SDCBP2: variants seen among roughly 807,000 people sequenced by gnomAD.
SDCBP2 encodes the protein syndecan binding protein 2.
Under a neutral mutation model 30.7 loss-of-function variants are expected in SDCBP2, and 28 were observed. That is an observed-to-expected ratio of 0.91 (90% CI 0.68 to 1.25). SDCBP2 has a LOEUF of 1.25. SDCBP2 is among the 50% of genes most tolerant of loss of function. SDCBP2 has a pLI of 0.00. For synonymous variants in SDCBP2, 166 were observed against 157.3 expected (o/e 1.06, Z -0.41); for missense variants, 399 against 379.0 (o/e 1.05, Z -0.44).
chr20:1,320,588 A>G lies in SDCBP2; in HGVS notation c.-19-153T>C. ...GAATGCCTCCCCGAACTCCACCCCT[A>G]ATCCCCTGTCGATATTTGAACTCTA... On this transcript the variant is annotated intron_variant, in intron 1 of 8. Transcript: ENST00000360779. This position sits in a 1 kb window ranked among gnomAD's most constrained non-coding sequence, Gnocchi z 4.7. 1.7e-6 allele frequency: 1 copy of G among 585,016 alleles called. No individual in the cohort carries two copies. The highest frequency in any genetic ancestry group is 3.1e-6 in the Non-Finnish European group (1 of 326,260). 36.2% of individuals were successfully genotyped at this position (585,016 alleles called of 1,614,324 possible).
At chr20:1,317,020 G>A (rs576130061) in intron 4 of SDCBP2, among the ~76,000 whole-genome samples, 16 of 152,296 alleles carry the variant, frequency 1.1e-4, no homozygotes, top group Non-Finnish European at 2.1e-4. Flanking sequence ...TTCCACTTAT[G>A]TAACATTCTG....
chr20:1,319,004 T>C (rs1290551810), intron 3 of SDCBP2, among the ~76,000 whole-genome samples: 4 of 152,174 alleles, frequency 2.6e-5, no homozygotes, highest in African/African-American at 9.7e-5. Flanking sequence ...ATCCAGCCTA[T>C]GGTATTTTGT....
chr20:1,316,412 C>T (rs2088777288), intron 4 of SDCBP2, among the ~76,000 whole-genome samples: 1 of 152,148 alleles, frequency 6.6e-6, no homozygotes, highest in Non-Finnish European at 1.5e-5. Flanking sequence ...CTTTTTGAGA[C>T]AGGGTCTCAC....
chr20:1,311,816 G>T (rs569375696), intron 7 of SDCBP2, among the ~76,000 whole-genome samples: 15 of 151,906 alleles, frequency 9.9e-5, no homozygotes, highest in African/African-American at 3.6e-4. Context: ...GAGCAAGGAG[G>T]TGTCCATGCA....
At chr20:1,323,600 C>G (rs553930746) in intron 1 of SDCBP2, 1 of 152,274 alleles carries the variant, frequency 6.6e-6, no homozygotes, top group South Asian at 2.1e-4. Context: ...AAAACAGGTA[C>G]AGTCGTTCCT....
chr20:1,313,024 A>G lies in SDCBP2; in HGVS notation c.385-262T>C. The G allele has an allele frequency of 1.7e-6, 1 of 586,392 alleles. No individual in the cohort carries two copies. Among genetic ancestry groups the G allele is most frequent in the Non-Finnish European group, 3.0e-6 (1 of 330,424 alleles). 36.3% of individuals were successfully genotyped at this position (586,392 alleles called of 1,614,324 possible). The stretch of plus-strand genomic sequence containing the variant: ...ACTCCACTGTACCATTCACAAAGGC[A>G]TGGGCTTCCCTGGCGTCGGCTGTCT... On this transcript the variant is annotated intron_variant, in intron 5 of 8. Coordinates refer to ENST00000360779, the MANE Select transcript of SDCBP2 (RefSeq NM_080489.5). The surrounding 1 kb of genome is among the most constrained non-coding windows in gnomAD (Gnocchi z 5.2).
chr20:1,322,366 T>C (rs1600284666), intron 1 of SDCBP2: 1 of 152,216 alleles, frequency 6.6e-6, no homozygotes, highest in Non-Finnish European at 1.5e-5. Flanking sequence ...AGTTCCAAGA[T>C]GGCAGGAACA....
In SDCBP2 at chr20:1,311,883, A is replaced by G. The variant is rs1426262234; in HGVS notation, c.732+454T>C. Among the ~76,000 whole-genome samples, 3 of 146,028 alleles carry G rather than the reference A, an allele frequency of 2.1e-5. No homozygotes were observed. The East Asian group carries it at 6.1e-4, about 30-fold the overall frequency. ...GCTATGTGCCTGGCACTGTGCTCAG[A>G]GCTCTAGGTACACTGTCTTTTTTTT... On this transcript the variant is annotated intron_variant, in intron 7 of 8. Transcript: ENST00000360779.
At chr20:1,328,484 G>A (rs969048144) in intron 1 of SDCBP2, among the ~76,000 whole-genome samples, 3 of 152,244 alleles carry the variant, frequency 2.0e-5, no homozygotes, top group East Asian at 1.9e-4. Flanking sequence ...TACCAGGCTC[G>A]TTTTCTGCCC....
Position 1,327,055 on chromosome 20 carries a change from A to G in SDCBP2, c.-20+2030T>C, listed in dbSNP as rs112833208. On this transcript the variant is annotated intron_variant, in intron 1 of 8. Coordinates refer to ENST00000360779, the MANE Select transcript of SDCBP2 (RefSeq NM_080489.5). ...GGCTGCCTGGCTCCTATAATCTGAC[A>G]GTGGAAGTTTGCTCAGTTCTGTGCT... Among the ~76,000 whole-genome samples, 493 of 152,336 alleles carry G rather than the reference A, an allele frequency of 3.2e-3. 3 individuals carry two copies. The highest frequency in any genetic ancestry group is 0.011 in the African/African-American group (474 of 41,576).
Position 1,321,042 on chromosome 20 carries a change from C to T in SDCBP2, c.-19-607G>A, listed in dbSNP as rs982576808. The T allele has an allele frequency of 1.3e-5, 2 of 152,510 alleles. No homozygotes were observed. Among genetic ancestry groups the T allele is most frequent in the African/African-American group, 4.8e-5 (2 of 41,424 alleles). The allele number at this position is 152,510 out of a possible 1,614,324, so 9.4% of individuals were successfully genotyped here. On this transcript the variant is annotated intron_variant, in intron 1 of 8. Coordinates refer to ENST00000360779, the MANE Select transcript of SDCBP2 (RefSeq NM_080489.5). This position sits in a 1 kb window ranked among gnomAD's most constrained non-coding sequence, Gnocchi z 5.2. The stretch of plus-strand genomic sequence containing the variant: ...GCCCCTGCCCAACCTCCTTGTCACC[C>T]TCGGTTCCTGTGGGACACGCCTCCC...
chr20:1,320,328 C>A lies in SDCBP2; in HGVS notation c.54+35G>T. 1 of 1,600,992 alleles carries A rather than the reference C, an allele frequency of 6.2e-7. No homozygotes were observed. Among genetic ancestry groups the A allele is most frequent in the South Asian group, 1.1e-5 (1 of 90,372 alleles). On this transcript the variant is annotated intron_variant, in intron 2 of 8. Transcript: ENST00000360779. This position sits in a 1 kb window ranked among gnomAD's most constrained non-coding sequence, Gnocchi z 4.7. ...CCAGGGTAATCCCCAAGGTCCCCTTCAGGGAATCCAGGCCAATGGGGCCTG... is the reference window on the plus strand; with the variant it reads ...CCAGGGTAATCCCCAAGGTCCCCTTAAGGGAATCCAGGCCAATGGGGCCTG...
In SDCBP2 at chr20:1,313,502, C is replaced by T. The variant is rs768636013; in HGVS notation, c.226-4G>A. 12 of 1,582,690 alleles carry T rather than the reference C, an allele frequency of 7.6e-6. No individual in the cohort carries two copies. The South Asian group carries it at 1.3e-4, about 17-fold the overall frequency. On this transcript the variant is annotated splice_region_variant and splice_polypyrimidine_tract_variant and intron_variant, in intron 4 of 8. Coordinates refer to ENST00000360779, the MANE Select transcript of SDCBP2 (RefSeq NM_080489.5). The surrounding 1 kb of genome is among the most constrained non-coding windows in gnomAD (Gnocchi z 5.2). Reference sequence around the variant, plus strand: ...GCCCGGGGCCCGAGACCGCTGTCTGCAGACACCAGGGGGCAGGGGGTCAGC... The same window carrying T: ...GCCCGGGGCCCGAGACCGCTGTCTGTAGACACCAGGGGGCAGGGGGTCAGC...
chr20:1,315,754 G>GA (rs1022345060), intron 4 of SDCBP2, among the ~76,000 whole-genome samples: 71 of 150,772 alleles, frequency 4.7e-4, no homozygotes, highest in African/African-American at 1.0e-3. Flanking sequence ...AGCCACAAAA[G>GA]AAAAAAAAAT....
At position 1,313,508 on chromosome 20, in the gene SDCBP2, C is replaced by G. The variant is rs747930506; in HGVS notation, c.226-10G>C. On this transcript the variant is annotated splice_polypyrimidine_tract_variant and intron_variant, in intron 4 of 8. Transcript: ENST00000360779. The surrounding 1 kb of genome is among the most constrained non-coding windows in gnomAD (Gnocchi z 5.2). ...GGCCCGAGACCGCTGTCTGCAGACA[C>G]CAGGGGGCAGGGGGTCAGCCCGGCC... The G allele has an allele frequency of 8.9e-6, 14 of 1,576,814 alleles. No individual in the cohort carries two copies. Among genetic ancestry groups the G allele is most frequent in the Non-Finnish European group, 1.1e-5 (13 of 1,166,102 alleles).
chr20:1,318,553 G>C (rs2088811168), intron 3 of SDCBP2, 135 bp from the exon 4 acceptor site: 3 of 596,780 alleles, frequency 5.0e-6, no homozygotes, highest in South Asian at 4.0e-5. Flanking sequence ...CAAGACTGTG[G>C]GGTATCCCCA....
At chr20:1,328,762 G>T (rs1012887675) in intron 1 of SDCBP2, among the ~76,000 whole-genome samples, 1 of 152,166 alleles carries the variant, frequency 6.6e-6, no homozygotes, top group African/African-American at 2.4e-5. Context: ...GCAGCCTCTG[G>T]TTTCGGCTGG....
rs1166945381 is a variant in SDCBP2 at position 1,313,219 on chromosome 20, C to T, written c.384+121G>A. The T allele has an allele frequency of 9.3e-7, 1 of 1,078,586 alleles. No individual in the cohort carries two copies. The highest frequency in any genetic ancestry group is 1.6e-5 in the African/African-American group (1 of 64,256). 66.8% of individuals were successfully genotyped at this position (1,078,586 alleles called of 1,614,324 possible). On this transcript the variant is annotated intron_variant, in intron 5 of 8. Coordinates refer to ENST00000360779, the MANE Select transcript of SDCBP2 (RefSeq NM_080489.5). This position sits in a 1 kb window ranked among gnomAD's most constrained non-coding sequence, Gnocchi z 5.2. ...GGGACTGGGGGCAAGAGCCTGGCCG[C>T]TGGGGTTAGGAGGCCCGCTCTGCAC... is the stretch of plus-strand genomic sequence containing the variant.
chr20:1,316,609 C>T (rs1444223838), intron 4 of SDCBP2, among the ~76,000 whole-genome samples: 3 of 152,126 alleles, frequency 2.0e-5, no homozygotes, highest in East Asian at 3.9e-4. Context: ...AGGCTGGTCT[C>T]GAACTTCTGG....
Sources: gnomAD v4.1 joint callset for allele counts (sites outside exome capture counted in the v4.1 genomes callset) on GRCh38, gnomAD v4.1.1 for gene constraint, Gnocchi (gnomAD v3.1) non-coding constraint, MANE v1.5 for transcripts, NCBI Gene and HGNC (gene_info 2026-07-23, HGNC 2026-07-21) for gene names.